Variants in HAPLN2 observed in about 807,000 individuals in gnomAD.
The protein encoded by HAPLN2 is hyaluronan and proteoglycan link protein 2.
HAPLN2 carries 27 observed loss-of-function variants against 29.3 expected under a neutral mutation model. The ratio of observed to expected loss-of-function variants is 0.92; its 90% CI spans 0.68 to 1.27. HAPLN2 has a LOEUF of 1.27. Ranked by LOEUF, HAPLN2 falls within the 50% of genes most tolerant of loss-of-function variation. HAPLN2 has a pLI of 0.00. For synonymous variants in HAPLN2, 208 were observed against 211.7 expected, an observed-to-expected ratio of 0.98 and a Z score of 0.15; for missense variants, 454 against 484.3, an observed-to-expected ratio of 0.94 and a Z score of 0.59.
At chr1:156,602,670 A>C in the HAPLN2 span, among the ~76,000 whole-genome samples, 1 of 149,296 alleles carries the variant, frequency 6.7e-6, no homozygotes, top group African/African-American at 2.5e-5. Flanking sequence ...CGGAGGTTGC[A>C]GTGAGCCAGA....
At chr1:156,616,572 G>T (rs1025435207), upstream of HAPLN2, among the ~76,000 whole-genome samples, 1 of 152,158 alleles carries the variant, frequency 6.6e-6, no homozygotes, top group African/African-American at 2.4e-5. Context: ...GGATGCAGTG[G>T]CCAGGCTGTG....
chr1:156,618,405 G>T (rs1394688557), upstream of HAPLN2, among the ~76,000 whole-genome samples: 1 of 151,616 alleles, frequency 6.6e-6, no homozygotes, highest in Non-Finnish European at 1.5e-5. Flanking sequence ...CTTGAGCCCA[G>T]GTGTTCGAGG....
chr1:156,623,430 C>T, intron 2 of HAPLN2, 37 bp from the exon 3 acceptor site: 1 of 1,571,016 alleles, frequency 6.4e-7, no homozygotes, highest in Non-Finnish European at 8.7e-7. Context: ...CCCTTTTGCC[C>T]CAGTCCTAAG....
chr1:156,623,629 G>T (rs913748585), intron 3 of HAPLN2, 54 bp downstream of exon 3: 7 of 1,606,720 alleles, frequency 4.4e-6, no homozygotes, highest in Non-Finnish European at 5.9e-6. Context: ...GACTGCAAGG[G>T]TGGGGAAAGG....
chr1:156,623,638 G>C, intron 3 of HAPLN2, 63 bp downstream of exon 3: 1 of 1,601,244 alleles, frequency 6.2e-7, no homozygotes, highest in African/African-American at 1.3e-5. Flanking sequence ...GGTGGGGAAA[G>C]GGGAAAGGGC....
rs1332630811 is a variant in HAPLN2 at position 156,624,445 on chromosome 1, C to T, written c.534C>T (p.Ala178=). Residue 178 remains alanine (A), a synonymous_variant, in exon 5 of 7, where the codon GCC becomes GCT. Coordinates refer to ENST00000255039, the MANE Select transcript of HAPLN2 (RefSeq NM_021817.3). ...GCGAGGAGCAGGACGGACGCCTGGC[C>T]ACCTACTCCCAGCTCTACCAGGGTG... The part of the protein sequence containing the change: ...QACEEQDGRL[A]TYSQLYQAWT... 3 of 1,612,572 alleles carry T rather than the reference C, an allele frequency of 1.9e-6. No individual in the cohort carries two copies. The highest frequency in any genetic ancestry group is 2.5e-6 in the Non-Finnish European group (3 of 1,179,412).
At position 156,623,988 on chromosome 1, in the gene HAPLN2, G is replaced by A. The variant is rs1361974262; in HGVS notation, c.267G>A (p.Leu89=). ...RETLILITNG[L]HARGYGPLGG... ...CGCTGATCCTCATCACCAACGGACT[G>A]CACGCCCGGGGGTATGGGCCCCTGG... The change falls in exon 4 of 7, where the codon CTG becomes CTA. Residue 89 remains leucine (L), a synonymous_variant. Coordinates refer to ENST00000255039, the MANE Select transcript of HAPLN2 (RefSeq NM_021817.3). The A allele has an allele frequency of 6.2e-7, 1 of 1,608,262 alleles. No individual in the cohort carries two copies. The highest frequency in any genetic ancestry group is 8.5e-7 in the Non-Finnish European group (1 of 1,177,274).
chr1:156,607,377 G>A, the HAPLN2 span, among the ~76,000 whole-genome samples: 2 of 152,154 alleles, frequency 1.3e-5, no homozygotes, highest in African/African-American at 4.8e-5. Flanking sequence ...CCACTCGGGA[G>A]GCTGAGGCAG....
At chr1:156,616,227 G>A (rs1417448460), upstream of HAPLN2, among the ~76,000 whole-genome samples, 1 of 152,154 alleles carries the variant, frequency 6.6e-6, no homozygotes, top group African/African-American at 2.4e-5. Context: ...GACTGACAAA[G>A]CCCTTCCTCA....
rs1678401522 is a variant in HAPLN2 at position 156,625,038 on chromosome 1, T to A, written c.740-63T>A. 5 of 1,508,310 alleles carry A rather than the reference T, an allele frequency of 3.3e-6. No individual in the cohort carries two copies. Among genetic ancestry groups the A allele is most frequent in the Non-Finnish European group, 4.4e-6 (5 of 1,132,408 alleles). 93.4% of individuals were successfully genotyped at this position (1,508,310 alleles called of 1,614,324 possible). A position where few individuals can be genotyped will look rare whatever the true frequency, so the allele number is the denominator to read the frequency against. ...GGTCCCGCACCCCAACTCCGCCTCC[T>A]GGGTGTCAGCCGCCCCTCTCCGCCC... On this transcript the variant is annotated intron_variant, in intron 6 of 6. Transcript: ENST00000255039. This position sits in a 1 kb window ranked among gnomAD's most constrained non-coding sequence, Gnocchi z 5.7.
chr1:156,608,226 T>C, the HAPLN2 span, among the ~76,000 whole-genome samples: 1 of 152,244 alleles, frequency 6.6e-6, no homozygotes, highest in African/African-American at 2.4e-5. Flanking sequence ...GAATGAGACG[T>C]GCTCTCAGCA....
intron 3 of HAPLN2, 91 bp from the exon 4 acceptor site, chr1:156,623,716 C>G (rs1348807526): frequency 1.3e-6 from 2 of 1,490,758 alleles, no homozygotes; most frequent in Non-Finnish European, 1.8e-6. Flanking sequence ...GGTTGGGGGG[C>G]TCTGGAGAAA....
chr1:156,624,095 G>A lies in HAPLN2; in HGVS notation c.374G>A (p.Arg125Gln). 6.2e-7 allele frequency: 1 copy of A among 1,613,718 alleles called. No homozygotes were observed. Among genetic ancestry groups the A allele is most frequent in the African/African-American group, 1.3e-5 (1 of 75,042 alleles). Residue 125 changes from arginine (R) to glutamine (Q), a missense_variant, in exon 4 of 7, where the codon CGG (arginine) becomes CAG (glutamine). This residue lies in a region of HAPLN2 where 204 missense variants were observed against 209.2 expected (regional missense o/e 0.98). Coordinates refer to ENST00000255039, the MANE Select transcript of HAPLN2 (RefSeq NM_021817.3). Reference protein sequence around the residue: ...IAGVRLEDEGRYRCELINGIE... With the variant: ...IAGVRLEDEGQYRCELINGIE... ...GGCGTGCGCCTGGAGGACGAGGGCC[G>A]GTACCGCTGCGAGCTCATCAACGGC...
At chr1:156,606,041 C>T in the HAPLN2 span, among the ~76,000 whole-genome samples, 3 of 151,986 alleles carry the variant, frequency 2.0e-5, no homozygotes, top group Non-Finnish European at 4.4e-5. Context: ...CCTAACACTT[C>T]GGGAGGCCAA....
At chr1:156,624,550 G>A in intron 5 of HAPLN2, 51 bp from the exon 6 acceptor site, 1 of 1,603,840 alleles carries the variant, frequency 6.2e-7, no homozygotes, top group South Asian at 1.1e-5. Flanking sequence ...AGCTCAGTCT[G>A]GCTCCTGCCT....
chr1:156,601,512 TAG>T, the HAPLN2 span: 1 of 1,544,744 alleles, frequency 6.5e-7, no homozygotes, highest in South Asian at 1.2e-5. Flanking sequence ...GTCGAAACCA[TAG>T]AGACGTCCGC....
chr1:156,620,859 TAGAC>T (rs763558229), intron 2 of HAPLN2, among the ~76,000 whole-genome samples: 2 of 152,216 alleles, frequency 1.3e-5, no homozygotes, highest in Non-Finnish European at 2.9e-5. Context: ...AGCTAACACA[TAGAC>T]AGCACTTATT....
At position 156,625,447 on chromosome 1, in the gene HAPLN2, GC is replaced by G; in HGVS notation, c.*65del. On this transcript the variant is annotated 3_prime_UTR_variant, in exon 7 of 7. Transcript: ENST00000255039. This position sits in a 1 kb window ranked among gnomAD's most constrained non-coding sequence, Gnocchi z 5.7. ...TTGGGAGTCGTGGCGGGGGTCTCTC[GC>G]CACCCCTTTCCGGAGAGCCTCCCCT... The G allele has an allele frequency of 1.4e-6, 2 of 1,461,174 alleles. No individual in the cohort carries two copies. Among genetic ancestry groups the G allele is most frequent in the Non-Finnish European group, 1.8e-6 (2 of 1,094,084 alleles). The allele number at this position is 1,461,174 out of a possible 1,614,324, so 90.5% of individuals were successfully genotyped here.
At chr1:156,603,790 A>T in the HAPLN2 span, among the ~76,000 whole-genome samples, 750 of 152,334 alleles carry the variant, frequency 4.9e-3, 5 homozygotes, top group African/African-American at 0.017. Flanking sequence ...AGGTATAAAA[A>T]GGTCCATCTC....
Sources: gnomAD v4.1 joint callset for allele counts (sites outside exome capture counted in the v4.1 genomes callset) on GRCh38, gnomAD v4.1.1 for gene constraint, gnomAD v4.1.1 regional missense constraint, Gnocchi (gnomAD v3.1) non-coding constraint, MANE v1.5 for transcripts, NCBI Gene and HGNC (gene_info 2026-07-23, HGNC 2026-07-21) for gene names.